The following PITPNM2 variants were observed in gnomAD, a reference collection of about 807,000 sequenced individuals.
The protein encoded by PITPNM2 is membrane-associated phosphatidylinositol transfer protein 2.
PITPNM2 carries 35 observed loss-of-function variants against 132.2 expected under a neutral mutation model. The observed-to-expected ratio is 0.26, with a 90% confidence interval of 0.20 to 0.35. PITPNM2 has a LOEUF of 0.35. Among genes scored for constraint, PITPNM2 ranks in the 10% least tolerant of loss-of-function variants. The probability of loss-of-function intolerance (pLI) is 1.00; values close to 1 mark genes in which losing one functional copy is unlikely to be tolerated. For missense variants in PITPNM2, 1,332 were observed against 1,912.0 expected, an observed-to-expected ratio of 0.70 and a Z score of 5.66; for synonymous variants, 738 against 799.2, an observed-to-expected ratio of 0.92 and a Z score of 1.29.
chr12:123,014,392 A>C (rs2039339336), intron 3 of PITPNM2, among the ~76,000 whole-genome samples: 1 of 152,254 alleles, frequency 6.6e-6, no homozygotes, highest in African/African-American at 2.4e-5. Flanking sequence ...AGCTAAAGCA[A>C]TTAGACAAGA....
chr12:122,995,804 C>T, intron 13 of PITPNM2, 144 bp from the exon 14 acceptor site: 1 of 1,156,162 alleles, frequency 8.6e-7, no homozygotes, highest in South Asian at 1.6e-5. Context: ...GAGGGGAGGG[C>T]CCCATTCCCT....
At chr12:123,104,909 G>C (rs2042666859) in intron 2 of PITPNM2, among the ~76,000 whole-genome samples, 1 of 152,002 alleles carries the variant, frequency 6.6e-6, no homozygotes, top group Admixed American at 6.6e-5. Context: ...GCACAATTCG[G>C]ATCCTGACCC....
rs2136415493 is a variant in PITPNM2 at position 123,030,164 on chromosome 12, C to A, written c.78+4349G>T. On this transcript the variant is annotated intron_variant, in intron 3 of 25. Transcript: ENST00000320201. ...ATGGGCAGAAGGACCCTTGAGATAA[C>A]CTGGGGACTCTTCTGTTTCAAAACA... Among the ~76,000 whole-genome samples, 2 of 151,906 alleles carry A rather than the reference C, an allele frequency of 1.3e-5. 1 individual carries two copies. Among genetic ancestry groups the A allele is most frequent in the East Asian group, 3.9e-4 (2 of 5,184 alleles).
At chr12:123,141,861 C>G (rs2043513359) in intron 1 of PITPNM2, among the ~76,000 whole-genome samples, 2 of 152,170 alleles carry the variant, frequency 1.3e-5, no homozygotes, top group South Asian at 4.1e-4. Context: ...AAAGTCATTC[C>G]CCTTTGTGGA....
intron 2 of PITPNM2, chr12:123,091,266 G>C (rs143908804): frequency 6.6e-6 from 1 of 152,376 alleles, no homozygotes; most frequent in Non-Finnish European, 1.5e-5. Flanking sequence ...ATCTGTGGCT[G>C]CAGGTGCCAC....
At chr12:123,047,166 G>A (rs887094634) in intron 2 of PITPNM2, among the ~76,000 whole-genome samples, 1 of 152,202 alleles carries the variant, frequency 6.6e-6, no homozygotes, top group Non-Finnish European at 1.5e-5. Context: ...TGCGTGAAAG[G>A]TGGCTGCACC....
chr12:123,129,101 A>ACTC (rs2043208527), intron 1 of PITPNM2, among the ~76,000 whole-genome samples: 1 of 151,940 alleles, frequency 6.6e-6, no homozygotes. Context: ...CTGCCATTGC[A>ACTC]CTCCAGCCTG....
At chr12:123,131,301 A>G (rs1466972195) in intron 1 of PITPNM2, among the ~76,000 whole-genome samples, 2 of 152,144 alleles carry the variant, frequency 1.3e-5, no homozygotes, top group African/African-American at 4.8e-5. Context: ...CCATGTGACA[A>G]CTTAGGCAGA....
chr12:123,053,473 A>G (rs547382494), intron 2 of PITPNM2, among the ~76,000 whole-genome samples: 11 of 150,858 alleles, frequency 7.3e-5, no homozygotes, highest in African/African-American at 2.4e-4. Flanking sequence ...TGAAATTTTT[A>G]TTGATAATTG....
rs775861018 is a variant in PITPNM2 at position 122,992,677 on chromosome 12, T to C, written c.2234-8A>G. 2.1e-6 allele frequency: 3 copies of C among 1,453,334 alleles called. No homozygotes were observed. The highest frequency in any genetic ancestry group is 2.8e-6 in the Non-Finnish European group (3 of 1,090,446). The allele number at this position is 1,453,334 out of a possible 1,614,324, so 90.0% of individuals were successfully genotyped here. A position where few individuals can be genotyped will look rare whatever the true frequency, so the allele number is the denominator to read the frequency against. On this transcript the variant is annotated splice_polypyrimidine_tract_variant and splice_region_variant and intron_variant, in intron 15 of 25. Coordinates refer to ENST00000320201, the MANE Select transcript of PITPNM2 (RefSeq NM_020845.3). The surrounding 1 kb of genome is among the most constrained non-coding windows in gnomAD (Gnocchi z 6.5). ...CCGGCCGCAGCTGGAAAACTGGGGG[T>C]GGGGGTGTTGGCTGCAGAGCTGGGG... is the stretch of plus-strand genomic sequence containing the variant.
intron 1 of PITPNM2, among the ~76,000 whole-genome samples, chr12:123,130,022 G>C (rs1214118789): frequency 6.6e-6 from 1 of 151,566 alleles, no homozygotes; most frequent in Admixed American, 6.6e-5. Context: ...CTCCCGCCTT[G>C]GCCTCCCAAG....
At position 122,992,662 on chromosome 12, in the gene PITPNM2, C is replaced by G. The variant is rs770393229; in HGVS notation, c.2241G>C (p.Gln747His). The G allele has an allele frequency of 4.5e-6, 7 of 1,552,570 alleles. No individual in the cohort carries two copies. The highest frequency in any genetic ancestry group is 1.4e-5 in the African/African-American group (1 of 72,822). The change falls in exon 16 of 26, where the codon CAG becomes CAC. Residue 747 changes from glutamine (Q) to histidine (H), a missense_variant. This residue lies in a region of PITPNM2 where 710 missense variants were observed against 911.5 expected (regional missense o/e 0.78). Transcript: ENST00000320201. This position sits in a 1 kb window ranked among gnomAD's most constrained non-coding sequence, Gnocchi z 6.5. ...KTVIPALDVF[Q>H]LRPACQQVYN... ...AGACTTGCTGGCAGGCCGGCCGCAG[C>G]TGGAAAACTGGGGGTGGGGGTGTTG...
At chr12:123,001,525 G>T (rs1274365097) in intron 8 of PITPNM2, among the ~76,000 whole-genome samples, 1 of 152,166 alleles carries the variant, frequency 6.6e-6, no homozygotes, top group African/African-American at 2.4e-5. Flanking sequence ...CTACAGATTT[G>T]TCTATTATGG....
intron 2 of PITPNM2, among the ~76,000 whole-genome samples, chr12:123,086,103 C>G (rs2042104991): frequency 6.6e-5 from 10 of 152,252 alleles, no homozygotes; most frequent in Admixed American, 6.5e-4. Flanking sequence ...GGGAGGTCCT[C>G]TCTGACCATC....
intron 2 of PITPNM2, among the ~76,000 whole-genome samples, chr12:123,049,889 T>A (rs1222266394): frequency 6.6e-6 from 1 of 152,152 alleles, no homozygotes; most frequent in Non-Finnish European, 1.5e-5. Context: ...TCAAGAAGGG[T>A]AATTGGCAAA....
chr12:123,147,212 T>G (rs935355161), intron 1 of PITPNM2, among the ~76,000 whole-genome samples: 6 of 152,208 alleles, frequency 3.9e-5, no homozygotes, highest in African/African-American at 1.4e-4. Flanking sequence ...CATCTCCTCC[T>G]CTGAACTCTA....
chr12:123,138,124 A>T (rs1477173062), intron 1 of PITPNM2, among the ~76,000 whole-genome samples: 1 of 152,134 alleles, frequency 6.6e-6, no homozygotes, highest in African/African-American at 2.4e-5. Flanking sequence ...AATGTGGTGT[A>T]TGCCTACAAT....
intron 1 of PITPNM2, among the ~76,000 whole-genome samples, chr12:123,125,536 C>T (rs1217073677): frequency 6.6e-6 from 1 of 151,974 alleles, no homozygotes; most frequent in Admixed American, 6.6e-5. Flanking sequence ...TTTGGAATAG[C>T]AGAACGCAAA....
chr12:123,072,158 G>A (rs941391570), intron 2 of PITPNM2, among the ~76,000 whole-genome samples: 6 of 152,166 alleles, frequency 3.9e-5, no homozygotes, highest in Non-Finnish European at 1.5e-5. Flanking sequence ...AAGTGAGGAC[G>A]CTGGCATGAA....
Sources: gnomAD v4.1 joint callset for allele counts (sites outside exome capture counted in the v4.1 genomes callset) on GRCh38, gnomAD v4.1.1 for gene constraint, gnomAD v4.1.1 regional missense constraint, Gnocchi (gnomAD v3.1) non-coding constraint, MANE v1.5 for transcripts, NCBI Gene and HGNC (gene_info 2026-07-23, HGNC 2026-07-21) for gene names.